The following CNBD1 variants were observed in gnomAD, a reference collection of about 807,000 sequenced individuals.
CNBD1 encodes the protein cyclic nucleotide binding domain containing 1.
Under a neutral mutation model 54.4 loss-of-function variants are expected in CNBD1, and 71 were observed. The observed-to-expected ratio is 1.30, with a 90% CI of 1.08 to 1.59. The LOEUF (loss-of-function observed/expected upper bound fraction) is 1.59. Ranked by LOEUF, CNBD1 falls within the 40% of genes most tolerant of loss-of-function variation. CNBD1 has a pLI of 0.00. For synonymous variants in CNBD1, 182 were observed against 170.7 expected, an observed-to-expected ratio of 1.07 and a Z score of -0.51; for missense variants, 659 against 518.0, an observed-to-expected ratio of 1.27 and a Z score of -2.64.
At chr8:86,909,477 G>A (rs899843095) in intron 3 of CNBD1, among the ~76,000 whole-genome samples, 6 of 152,130 alleles carry the variant, frequency 3.9e-5, no homozygotes, top group African/African-American at 1.4e-4. Flanking sequence ...TTTTTTAAAT[G>A]TAATTGTAAC....
At chr8:86,990,318 C>G (rs949080443) in intron 4 of CNBD1, among the ~76,000 whole-genome samples, 1 of 152,050 alleles carries the variant, frequency 6.6e-6, no homozygotes, top group Non-Finnish European at 1.5e-5. Context: ...TGTAGTAGTT[C>G]CATGGTTTAT....
intron 8 of CNBD1, among the ~76,000 whole-genome samples, chr8:87,325,627 C>G (rs931882696): frequency 7.4e-6 from 1 of 135,218 alleles, no homozygotes; most frequent in Non-Finnish European, 1.6e-5. Context: ...GATTGCAACC[C>G]CTGCCTTTTT....
At chr8:87,100,925 C>G (rs940478935) in intron 4 of CNBD1, among the ~76,000 whole-genome samples, 1 of 152,172 alleles carries the variant, frequency 6.6e-6, no homozygotes, top group Non-Finnish European at 1.5e-5. Context: ...TATTGAACCA[C>G]CCATGTAGGG....
chr8:87,093,235 G>A (rs1259156995), intron 4 of CNBD1, among the ~76,000 whole-genome samples: 2 of 152,190 alleles, frequency 1.3e-5, no homozygotes, highest in Non-Finnish European at 2.9e-5. Context: ...GGGTTGTTGA[G>A]AGCTAATTTT....
chr8:87,205,974 ATTT>A lies in CNBD1; in HGVS notation c.432-6_432-4del, dbSNP rs58151279. ...TTTATGCCATGGTCTCTGAATTTGT[ATTT>A]TTTTTTTTTTTTGAGGCCCATTCAC... is the stretch of plus-strand genomic sequence containing the variant. On this transcript the variant is annotated splice_polypyrimidine_tract_variant and intron_variant, in intron 4 of 10. Coordinates refer to ENST00000518476, the MANE Select transcript of CNBD1 (RefSeq NM_173538.3). 654 of 1,276,330 alleles carry A rather than the reference ATTT, an allele frequency of 5.1e-4. No homozygotes were observed. The highest frequency in any genetic ancestry group is 2.1e-3 in the South Asian group (117 of 55,290). The allele number at this position is 1,276,330 out of a possible 1,614,324, so 79.1% of individuals were successfully genotyped here.
chr8:87,277,832 A>G (rs1308797954), intron 6 of CNBD1, among the ~76,000 whole-genome samples: 2 of 151,686 alleles, frequency 1.3e-5, no homozygotes, highest in African/African-American at 2.4e-5. Context: ...ATTGACTAAA[A>G]AGTTATCAGG....
rs1813658093 is a variant in CNBD1 at position 87,193,737 on chromosome 8, T to C, written c.432-12256T>C. On this transcript the variant is annotated intron_variant, in intron 4 of 10. Coordinates refer to ENST00000518476, the MANE Select transcript of CNBD1 (RefSeq NM_173538.3). ...CAGGGAACTGTCTTAACAGAATTTC[T>C]AATACCTAGGTGGTCAGATATTCCT... Among the ~76,000 whole-genome samples the C allele has an allele frequency of 2.0e-5, 3 of 152,328 alleles. No individual in the cohort carries two copies. The South Asian group carries it at 6.2e-4, about 32-fold the overall frequency.
intron 4 of CNBD1, among the ~76,000 whole-genome samples, chr8:87,005,715 A>G (rs1212164122): frequency 1.3e-5 from 2 of 152,268 alleles, no homozygotes; most frequent in East Asian, 3.9e-4. Flanking sequence ...ACTCAAGTCT[A>G]TTGAAACAAA....
intron 4 of CNBD1, among the ~76,000 whole-genome samples, chr8:87,017,512 A>G (rs1319774813): frequency 6.6e-6 from 1 of 152,178 alleles, no homozygotes; most frequent in Non-Finnish European, 1.5e-5. Context: ...TATTAATGGA[A>G]GTAATGTTTC....
chr8:87,058,415 C>G (rs1810470922), intron 4 of CNBD1, among the ~76,000 whole-genome samples: 1 of 152,196 alleles, frequency 6.6e-6, no homozygotes, highest in South Asian at 2.1e-4. Flanking sequence ...AGTTGGGACT[C>G]TGTGTGGGGA....
intron 2 of CNBD1, among the ~76,000 whole-genome samples, chr8:87,390,929 A>G (rs1477694952): frequency 6.6e-6 from 1 of 152,188 alleles, no homozygotes; most frequent in Non-Finnish European, 1.5e-5. Context: ...CGATGAGTTC[A>G]TATCCTTTGT....
intron 4 of CNBD1, among the ~76,000 whole-genome samples, chr8:87,089,833 A>G (rs1418805173): frequency 6.6e-6 from 1 of 152,078 alleles, no homozygotes; most frequent in Non-Finnish European, 1.5e-5. Flanking sequence ...ACTTGTTCAT[A>G]CAAAATGTCT....
At chr8:86,976,440 T>G (rs1272527628) in intron 4 of CNBD1, among the ~76,000 whole-genome samples, 2 of 151,992 alleles carry the variant, frequency 1.3e-5, no homozygotes, top group Non-Finnish European at 2.9e-5. Flanking sequence ...TTTATTATTC[T>G]GCATGTGGAT....
chr8:87,401,510 T>C (rs1807563610), intron 2 of CNBD1, among the ~76,000 whole-genome samples: 1 of 152,072 alleles, frequency 6.6e-6, no homozygotes, highest in Non-Finnish European at 1.5e-5. Context: ...GGATATGTGT[T>C]CTGTGCTAAT....
intron 10 of CNBD1, among the ~76,000 whole-genome samples, chr8:87,368,378 G>A (rs1342070729): frequency 6.6e-6 from 1 of 152,042 alleles, no homozygotes; most frequent in African/African-American, 2.4e-5. Flanking sequence ...GCTCATACCT[G>A]TAATTCCAGC....
chr8:87,261,872 G>A (rs775460276), intron 6 of CNBD1, among the ~76,000 whole-genome samples: 2 of 152,004 alleles, frequency 1.3e-5, no homozygotes, highest in Non-Finnish European at 2.9e-5. Context: ...TAGGCCAGGT[G>A]CAGTGGCTCA....
chr8:86,938,149 C>G (rs572149483), intron 3 of CNBD1, among the ~76,000 whole-genome samples: 1 of 152,212 alleles, frequency 6.6e-6, no homozygotes, highest in African/African-American at 2.4e-5. Flanking sequence ...CTGCCAGTCT[C>G]TGCTAAAACA....
intron 10 of CNBD1, among the ~76,000 whole-genome samples, chr8:87,373,791 A>G (rs1185877251): frequency 6.6e-6 from 1 of 151,840 alleles, no homozygotes; most frequent in Non-Finnish European, 1.5e-5. Context: ...GGATAAGTTT[A>G]TATAAAATTT....
intron 4 of CNBD1, among the ~76,000 whole-genome samples, chr8:86,979,320 C>T (rs1808414537): frequency 7.4e-6 from 1 of 134,534 alleles, no homozygotes; most frequent in East Asian, 2.3e-4. Context: ...AATCCTGGCT[C>T]TTTGGGAGGC....
Sources: gnomAD v4.1 joint callset for allele counts (sites outside exome capture counted in the v4.1 genomes callset) on GRCh38, gnomAD v4.1.1 for gene constraint, MANE v1.5 for transcripts, NCBI Gene and HGNC (gene_info 2026-07-23, HGNC 2026-07-21) for gene names.